Variants in MCCC1 observed in about 807,000 individuals in gnomAD.
The protein encoded by MCCC1 is methylcrotonyl-CoA carboxylase subunit 1, also known as methylcrotonoyl-CoA carboxylase subunit alpha, mitochondrial.
Under a neutral mutation model 83.8 loss-of-function variants are expected in MCCC1, and 64 were observed. The ratio of observed to expected loss-of-function variants is 0.76; its 90% confidence interval spans 0.62 to 0.94. The LOEUF (loss-of-function observed/expected upper bound fraction) is 0.94. Among genes scored for constraint, MCCC1 ranks in the 40% least tolerant of loss-of-function variants. MCCC1 has a pLI of 0.00. For synonymous variants in MCCC1, 322 were observed against 315.4 expected (o/e 1.02, Z -0.22); for missense variants, 807 against 904.7 (o/e 0.89, Z 1.39).
Position 183,020,194 on chromosome 3 carries a change from G to A in MCCC1, c.1913C>T (p.Ser638Phe). The change falls in exon 17 of 19, where the codon TCT (serine) becomes TTT (phenylalanine). Residue 638 changes from serine (S) to phenylalanine (F), a missense_variant. Ser to Phe is a radical substitution (Grantham distance 155). Transcript: ENST00000265594. ...CTGAGTTTCTTGTGAGCTCACAGAA[G>A]ATAAGTATTTGGGGACTGGAATGTC... Reference protein sequence around the residue: ...EIDIPVPKYLSSVSSQETQGG... With the variant: ...EIDIPVPKYLFSVSSQETQGG... The A allele has an allele frequency of 6.2e-7, 1 of 1,614,132 alleles. No homozygotes were observed. The highest frequency in any genetic ancestry group is 8.5e-7 in the Non-Finnish European group (1 of 1,179,964).
intron 14 of MCCC1, chr3:183,029,086 G>A (rs1457846505): frequency 6.6e-6 from 1 of 152,104 alleles, no homozygotes; most frequent in East Asian, 1.9e-4. Flanking sequence ...CAAAAACTTT[G>A]ACTCACTTTA....
At chr3:183,109,934 A>T (rs986256607) in intron 1 of MCCC1, among the ~76,000 whole-genome samples, 1 of 152,116 alleles carries the variant, frequency 6.6e-6, no homozygotes, top group Non-Finnish European at 1.5e-5. Flanking sequence ...TGACTTTTTA[A>T]TAATGGCCAT....
intron 4 of MCCC1, among the ~76,000 whole-genome samples, chr3:183,080,265 T>C (rs1024810780): frequency 2.6e-5 from 4 of 152,220 alleles, no homozygotes; most frequent in Admixed American, 6.5e-5. Context: ...GCTTCCCTTA[T>C]AAAACTGAAT....
intron 11 of MCCC1, among the ~76,000 whole-genome samples, chr3:183,040,266 T>C (rs1713968260): frequency 1.3e-5 from 2 of 152,146 alleles, no homozygotes; most frequent in Admixed American, 1.3e-4. Context: ...AATCCTCATT[T>C]TGGCTTTTAG....
At chr3:183,094,455 ATAAC>A (rs1401497277) in intron 2 of MCCC1, 100 bp downstream of exon 2, 2 of 1,113,010 alleles carry the variant, frequency 1.8e-6, no homozygotes, top group Non-Finnish European at 2.7e-6. Context: ...AAAATTTATG[ATAAC>A]TAATTCTATT....
intron 13 of MCCC1, among the ~76,000 whole-genome samples, chr3:183,036,537 C>CTTTTTTT (rs11411314): frequency 8.5e-6 from 1 of 117,680 alleles, no homozygotes; most frequent in Non-Finnish European, 1.7e-5. Flanking sequence ...GATCCATTTC[C>CTTTTTTT]TTTTTTTTTT....
At chr3:183,090,626 G>C (rs1041256647) in intron 3 of MCCC1, among the ~76,000 whole-genome samples, 1 of 146,730 alleles carries the variant, frequency 6.8e-6, no homozygotes, top group Admixed American at 6.8e-5. Context: ...TTTCGCTCTT[G>C]TTGCCCAGGC....
chr3:183,107,704 GGC>G (rs35952716), intron 1 of MCCC1, among the ~76,000 whole-genome samples: 18,125 of 151,634 alleles, frequency 0.12, 1,183 homozygotes, highest in East Asian at 0.2. Context: ...CACCACGCCT[GGC>G]TAGTTTTCTT....
chr3:183,024,603 AT>A (rs1388854700), intron 15 of MCCC1, among the ~76,000 whole-genome samples: 1 of 130,502 alleles, frequency 7.7e-6, no homozygotes, highest in East Asian at 2.3e-4. Context: ...ACTCATTAGT[AT>A]TGCTATTATA....
At chr3:183,031,246 T>C (rs557303375) in intron 14 of MCCC1, among the ~76,000 whole-genome samples, 2 of 152,282 alleles carry the variant, frequency 1.3e-5, no homozygotes, top group South Asian at 4.1e-4. Flanking sequence ...ACTAATCTCA[T>C]TGGCCTTTTC....
At chr3:183,099,076 G>C (rs962983743) in intron 1 of MCCC1, 2 of 570,642 alleles carry the variant, frequency 3.5e-6, no homozygotes, top group Admixed American at 3.0e-5. Flanking sequence ...AGGGGAGCCT[G>C]GAGGATGGCG....
chr3:183,045,516 G>C lies in MCCC1; in HGVS notation c.980C>G (p.Ser327Ter), dbSNP rs750484977. ...CTCCATGAAACAGAAATTATGTTTT[G>C]AGTCCATAATAAACTCCACAGTCCC... Reference protein sequence around the residue: ...GAGTVEFIMDSKHNFCFMEMN... With the variant: ...GAGTVEFIMD Residue 327 changes from serine to a stop codon, truncating the protein, a stop_gained, in exon 10 of 19, where the codon TCA becomes TGA. Coordinates refer to ENST00000265594, the MANE Select transcript of MCCC1 (RefSeq NM_020166.5). LOFTEE classifies it high-confidence loss of function. 30 of 1,613,746 alleles carry C rather than the reference G, an allele frequency of 1.9e-5. No homozygotes were observed. Among genetic ancestry groups the C allele is most frequent in the South Asian group, 7.7e-5 (7 of 91,064 alleles).
upstream of MCCC1, among the ~76,000 whole-genome samples, chr3:183,102,254 T>C (rs1719324125): frequency 6.6e-6 from 1 of 152,142 alleles, no homozygotes; most frequent in Non-Finnish European, 1.5e-5. Context: ...TAGTCCCAGC[T>C]ACTCGGGAGA....
At position 183,092,463 on chromosome 3, in the gene MCCC1, T is replaced by G. The variant is rs1280526570; in HGVS notation, c.219A>C (p.Val73=). The G allele has an allele frequency of 1.9e-6, 3 of 1,614,240 alleles. No homozygotes were observed. The highest frequency in any genetic ancestry group is 2.5e-6 in the Non-Finnish European group (3 of 1,180,038). ...CCTCACTATAAACCGCCACAGTCTG[T>G]ACACCCAGTTTTTTGGCTGTGCGCA... ...RVMRTAKKLG[V]QTVAVYSEAD... Residue 73 remains valine, a synonymous_variant, in exon 3 of 19, where the codon GTA becomes GTC. Transcript: ENST00000265594.
chr3:183,095,534 G>A (rs1718676818), intron 1 of MCCC1, among the ~76,000 whole-genome samples: 1 of 152,138 alleles, frequency 6.6e-6, no homozygotes, highest in African/African-American at 2.4e-5. Flanking sequence ...GCCCAGGGTC[G>A]AGTCACTTTA....
At chr3:183,037,004 T>C (rs1713666872) in intron 13 of MCCC1, among the ~76,000 whole-genome samples, 2 of 152,080 alleles carry the variant, frequency 1.3e-5, no homozygotes, top group African/African-American at 4.8e-5. Context: ...GTTAGGTGAT[T>C]AGTTACACTC....
chr3:183,079,039 T>G (rs1357023454), intron 4 of MCCC1, among the ~76,000 whole-genome samples: 1 of 152,180 alleles, frequency 6.6e-6, no homozygotes, highest in Non-Finnish European at 1.5e-5. Context: ...CACCTCCCAC[T>G]GGGTTCCTCC....
rs952920105 is a variant in MCCC1 at position 183,084,305 on chromosome 3, T to C, written c.369+2388A>G. 2.0e-5 allele frequency among the ~76,000 whole-genome samples: 3 copies of C among 152,096 alleles called. No individual in the cohort carries two copies. In the East Asian group the frequency reaches 5.9e-4, roughly 30 times the overall value. ...TGGAATAACATCATGCAACCTTCTG[T>C]GCATTAGATGTTATGCCCATAAGAT... On this transcript the variant is annotated intron_variant, in intron 4 of 18. Transcript: ENST00000265594.
intron 1 of MCCC1, among the ~76,000 whole-genome samples, chr3:183,106,079 C>A (rs1263750631): frequency 7.3e-5 from 1 of 13,614 alleles, no homozygotes; most frequent in East Asian, 1.7e-3. Context: ...ACAGAGAGTC[C>A]GTAAAAAAAA....
Sources: gnomAD v4.1 joint callset for allele counts (sites outside exome capture counted in the v4.1 genomes callset) on GRCh38, gnomAD v4.1.1 for gene constraint, MANE v1.5 for transcripts, NCBI Gene and HGNC (gene_info 2026-07-23, HGNC 2026-07-21) for gene names.